Variants in AKAP8L observed in about 807,000 individuals in gnomAD.
The protein encoded by AKAP8L is A-kinase anchor protein 8-like.
In AKAP8L, 34 loss-of-function variants were observed where a neutral mutation model predicts 77.5. The observed-to-expected ratio is 0.44, with a 90% CI of 0.33 to 0.58. The LOEUF is 0.58. Among genes scored for constraint, AKAP8L ranks in the 20% least tolerant of loss-of-function variants. The pLI is 0.02. For synonymous variants in AKAP8L, 342 were observed against 340.7 expected (o/e 1.00, Z -0.04); for missense variants, 806 against 887.6 (o/e 0.91, Z 1.17).
intron 12 of AKAP8L, among the ~76,000 whole-genome samples, chr19:15,384,299 C>A (rs1345519180): frequency 1.1e-5 from 1 of 93,806 alleles, no homozygotes; most frequent in Non-Finnish European, 1.9e-5. Flanking sequence ...TTCTTCCCTC[C>A]CTGTTTTTTT....
chr19:15,410,388 A>C, intron 2 of AKAP8L, 132 bp downstream of exon 2: 1 of 736,102 alleles, frequency 1.4e-6, no homozygotes, highest in South Asian at 1.8e-5. Context: ...TAGCTATTCA[A>C]ATGGCCACAC....
chr19:15,380,452 C>T (rs766806937), intron 13 of AKAP8L, 22 bp from the exon 14 acceptor site: 7 of 1,611,156 alleles, frequency 4.3e-6, no homozygotes, highest in Non-Finnish European at 5.1e-6. Flanking sequence ...GGCGCGGACA[C>T]TGAAGGGAGG....
chr19:15,416,153 A>G (rs562843050), intron 1 of AKAP8L, among the ~76,000 whole-genome samples: 132 of 152,198 alleles, frequency 8.7e-4, no homozygotes, highest in Non-Finnish European at 1.5e-3. Context: ...TCTTATTTGA[A>G]GGAGTAACAC....
intron 2 of AKAP8L, among the ~76,000 whole-genome samples, chr19:15,409,177 C>A (rs1476512345): frequency 6.6e-6 from 1 of 152,100 alleles, no homozygotes; most frequent in Non-Finnish European, 1.5e-5. Flanking sequence ...TTCTTTCTGA[C>A]ACAAGACAAG....
In AKAP8L at chr19:15,398,322, G is replaced by C. The variant is rs1679899937; in HGVS notation, c.1158-467C>G. 1 of 178,698 alleles carries C rather than the reference G, an allele frequency of 5.6e-6. No individual in the cohort carries two copies. The highest frequency in any genetic ancestry group is 1.2e-5 in the Non-Finnish European group (1 of 82,924). The allele number at this position is 178,698 out of a possible 1,614,324, so 11.1% of individuals were successfully genotyped here. ...TGCTGCATCTTCCTTCTGGGATCTG[G>C]GGGACTCAAAGGCCCAGCCCATCCT... On this transcript the variant is annotated intron_variant, in intron 9 of 13. Transcript: ENST00000397410. The surrounding 1 kb of genome is among the most constrained non-coding windows in gnomAD (Gnocchi z 9.2).
Position 15,399,296 on chromosome 19 carries a change from G to A in AKAP8L, c.1157+6C>T, listed in dbSNP as rs746978670. On this transcript the variant is annotated splice_donor_region_variant and intron_variant, in intron 9 of 13. Transcript: ENST00000397410. This position sits in a 1 kb window ranked among gnomAD's most constrained non-coding sequence, Gnocchi z 6.1. ...AGAGGCAGAGGGGTGGAGGGAAGCT[G>A]GTTACCTTTCCACCATGCGGTCTCG... 7 of 1,610,952 alleles carry A rather than the reference G, an allele frequency of 4.3e-6. No individual in the cohort carries two copies. The highest frequency in any genetic ancestry group is 3.4e-6 in the Non-Finnish European group (4 of 1,177,330).
chr19:15,418,955 G>T lies in AKAP8L; in HGVS notation c.-32C>A. The T allele has an allele frequency of 1.2e-6, 2 of 1,604,114 alleles. No homozygotes were observed. Among genetic ancestry groups the T allele is most frequent in the Non-Finnish European group, 1.7e-6 (2 of 1,179,416 alleles). ...GGGCAACACAACATCCGACGACGCC[G>T]GCTTCTGCTGCTCTGAACATCCGAC... is the stretch of plus-strand genomic sequence containing the variant. On this transcript the variant is annotated 5_prime_UTR_variant, in exon 1 of 14. Coordinates refer to ENST00000397410, the MANE Select transcript of AKAP8L (RefSeq NM_014371.4).
chr19:15,388,586 T>TACAAAAACGGACA (rs1476135852), intron 12 of AKAP8L, among the ~76,000 whole-genome samples: 1 of 152,078 alleles, frequency 6.6e-6, no homozygotes, highest in Non-Finnish European at 1.5e-5. Context: ...ACACCAAAAA[T>TACAAAAACGGACA]CCATTTGAAG....
intron 1 of AKAP8L, among the ~76,000 whole-genome samples, chr19:15,414,721 C>T (rs897998947): frequency 3.9e-5 from 6 of 152,092 alleles, no homozygotes; most frequent in Non-Finnish European, 8.8e-5. Context: ...ATCTCCTGAC[C>T]TCGTGATCCG....
chr19:15,386,994 T>G (rs1967552859), intron 12 of AKAP8L, among the ~76,000 whole-genome samples: 1 of 152,324 alleles, frequency 6.6e-6, no homozygotes, highest in South Asian at 2.1e-4. Context: ...CCCAGCTACC[T>G]GCTGATGAGG....
At position 15,400,363 on chromosome 19, in the gene AKAP8L, C is replaced by T. The variant is rs761284532; in HGVS notation, c.985-5G>A. The T allele has an allele frequency of 6.2e-7, 1 of 1,600,290 alleles. No individual in the cohort carries two copies. Among genetic ancestry groups the T allele is most frequent in the African/African-American group, 1.3e-5 (1 of 74,220 alleles). ...TCCCTCCTCATCCTCTCCGTCCTAA[C>T]AATTTCAAATTCCAACTTTAAAACA... On this transcript the variant is annotated splice_region_variant and splice_polypyrimidine_tract_variant and intron_variant, in intron 7 of 13. Transcript: ENST00000397410.
In AKAP8L at chr19:15,401,853, G is replaced by A. The variant is rs1364271693; in HGVS notation, c.363-250C>T. On this transcript the variant is annotated intron_variant, in intron 4 of 13. Coordinates refer to ENST00000397410, the MANE Select transcript of AKAP8L (RefSeq NM_014371.4). This position sits in a 1 kb window ranked among gnomAD's most constrained non-coding sequence, Gnocchi z 6.2. ...AAGGACTGAAGGACTGATAACTGGG[G>A]TGGAGGCTCTAGTCCAGTGAGTCTC... Among the ~76,000 whole-genome samples the A allele has an allele frequency of 6.6e-6, 1 of 152,246 alleles. No individual in the cohort carries two copies. Among genetic ancestry groups the A allele is most frequent in the Non-Finnish European group, 1.5e-5 (1 of 68,044 alleles).
Position 15,380,265 on chromosome 19 carries a change from C to T in AKAP8L, c.1798G>A (p.Val600Met). 1.3e-6 allele frequency: 2 copies of T among 1,500,982 alleles called. No individual in the cohort carries two copies. The highest frequency in any genetic ancestry group is 1.8e-6 in the Non-Finnish European group (2 of 1,135,392). 93.0% of individuals were successfully genotyped at this position (1,500,982 alleles called of 1,614,324 possible). Reference sequence around the variant, plus strand: ...GGGGGCGGCGGCGGTGGCGGCGACACGGCCCCGGGGGCTGGCTCTGGGGGC... The same window carrying T: ...GGGGGCGGCGGCGGTGGCGGCGACATGGCCCCGGGGGCTGGCTCTGGGGGC... ...PVPPEPAPGA[V>M]SPPPPPPPEE... The change falls in exon 14 of 14, where the codon GTG becomes ATG. Residue 600 changes from valine (V) to methionine (M), a missense_variant. Around this residue, in one of 2 missense-constraint regions of AKAP8L, gnomAD observed 226 missense variants for 193.5 expected, o/e 1.17. Coordinates refer to ENST00000397410, the MANE Select transcript of AKAP8L (RefSeq NM_014371.4).
At position 15,400,357 on chromosome 19, in the gene AKAP8L, T is replaced by C. The variant is rs1409690153; in HGVS notation, c.986A>G (p.Asp329Gly). 6.2e-7 allele frequency: 1 copy of C among 1,609,068 alleles called. No homozygotes were observed. The highest frequency in any genetic ancestry group is 8.5e-7 in the Non-Finnish European group (1 of 1,178,584). The change falls in exon 8 of 14, where the codon GAC becomes GGC. Residue 329 changes from aspartate (D) to glycine (G), a missense_variant and splice_region_variant. Asp to Gly is a moderately conservative substitution (Grantham distance 94). Around this residue, in one of 2 missense-constraint regions of AKAP8L, gnomAD observed 580 missense variants for 694.1 expected, o/e 0.84. Transcript: ENST00000397410. ...TEAVEKGSRV[D>G]GEDEEGKEDG... Reference sequence around the variant, plus strand: ...CTCTTTTCCCTCCTCATCCTCTCCGTCCTAACAATTTCAAATTCCAACTTT... The same window carrying C: ...CTCTTTTCCCTCCTCATCCTCTCCGCCCTAACAATTTCAAATTCCAACTTT...
chr19:15,397,364 C>T lies in AKAP8L; in HGVS notation c.1406-84G>A, dbSNP rs1378611089. Reference sequence around the variant, plus strand: ...TTCGAGAAAAAAACCACACCAGCTCCTCCTCAACTCGCCCTGCCACTTCCA... The same window carrying T: ...TTCGAGAAAAAAACCACACCAGCTCTTCCTCAACTCGCCCTGCCACTTCCA... On this transcript the variant is annotated intron_variant, in intron 11 of 13. Transcript: ENST00000397410. The surrounding 1 kb of genome is among the most constrained non-coding windows in gnomAD (Gnocchi z 4.7). 52 of 1,545,736 alleles carry T rather than the reference C, an allele frequency of 3.4e-5. No homozygotes were observed. The highest frequency in any genetic ancestry group is 4.5e-5 in the Non-Finnish European group (51 of 1,135,736).
chr19:15,383,197 C>T (rs1270134497), intron 12 of AKAP8L: 2 of 152,144 alleles, frequency 1.3e-5, no homozygotes, highest in Non-Finnish European at 2.9e-5. Context: ...AGTGCTAATA[C>T]CATATTGTCT....
chr19:15,380,767 A>T, intron 12 of AKAP8L, 155 bp from the exon 13 acceptor site: 1 of 628,986 alleles, frequency 1.6e-6, no homozygotes, highest in African/African-American at 1.8e-5. Context: ...ATGGAACCAC[A>T]ACCTATCTGA....
chr19:15,380,719 C>A (rs1967392937), intron 12 of AKAP8L, 107 bp from the exon 13 acceptor site: 10 of 935,476 alleles, frequency 1.1e-5, no homozygotes, highest in Non-Finnish European at 1.6e-5. Context: ...TGCACCCACG[C>A]ACTTCCAGCC....
chr19:15,411,572 T>C (rs780576840), intron 1 of AKAP8L, among the ~76,000 whole-genome samples: 5 of 152,054 alleles, frequency 3.3e-5, no homozygotes, highest in Admixed American at 6.6e-5. Context: ...TGCAGTGAGC[T>C]ATGATTGCGC....
Sources: gnomAD v4.1 joint callset for allele counts (sites outside exome capture counted in the v4.1 genomes callset) on GRCh38, gnomAD v4.1.1 for gene constraint, gnomAD v4.1.1 regional missense constraint, Gnocchi (gnomAD v3.1) non-coding constraint, MANE v1.5 for transcripts, NCBI Gene and HGNC (gene_info 2026-07-23, HGNC 2026-07-21) for gene names.